Variants in UVSSA observed in about 807,000 individuals in gnomAD.
UVSSA encodes the protein UV-stimulated scaffold protein A.
A neutral mutation model predicts 73.9 loss-of-function variants in UVSSA; 72 were observed. That is an observed-to-expected ratio of 0.97 (90% confidence interval 0.81 to 1.19). The LOEUF (loss-of-function observed/expected upper bound fraction) is 1.19, where lower values mean the gene tolerates loss of function less well. UVSSA is among the 50% of genes most tolerant of loss of function. The pLI is 0.00. For synonymous variants in UVSSA, 454 were observed against 391.3 expected, an observed-to-expected ratio of 1.16 and a Z score of -1.89; for missense variants, 1,150 against 965.0, an observed-to-expected ratio of 1.19 and a Z score of -2.54.
At chr4:1,347,800 C>G (rs1382871899) in intron 1 of UVSSA, 40 bp downstream of exon 1, 2 of 336,776 alleles carry the variant, frequency 5.9e-6, no homozygotes, top group African/African-American at 4.3e-5. Context: ...TGGGGAAAAG[C>G]TGATTCGGAC....
chr4:1,353,229 G>A lies in UVSSA; in HGVS notation c.750G>A (p.Gln250=). 1 of 1,612,092 alleles carries A rather than the reference G, an allele frequency of 6.2e-7. No homozygotes were observed. The highest frequency in any genetic ancestry group is 8.5e-7 in the Non-Finnish European group (1 of 1,179,838). Residue 250 remains glutamine, a synonymous_variant, in exon 5 of 14, where the codon CAG becomes CAA. Coordinates refer to ENST00000389851, the MANE Select transcript of UVSSA (RefSeq NM_020894.4). ...CCCCTGACCCCCGGGACGGGGAGCAGCCCTGCTGCAGTAGAGACCTGCCTG... is the reference window on the plus strand; with the variant it reads ...CCCCTGACCCCCGGGACGGGGAGCAACCCTGCTGCAGTAGAGACCTGCCTG... ...SGTPDPRDGE[Q]PCCSRDLPAS...
chr4:1,376,174 T>A lies in UVSSA; in HGVS notation c.1568+6T>A. On this transcript the variant is annotated splice_donor_region_variant and intron_variant, in intron 10 of 13. Coordinates refer to ENST00000389851, the MANE Select transcript of UVSSA (RefSeq NM_020894.4). ...ACAGCCGGGAAGATTGTCAAGTGAG[T>A]CCCCATGTGTCTGAAGTCGGCCAGG... 6.2e-7 allele frequency: 1 copy of A among 1,605,234 alleles called. No homozygotes were observed. Among genetic ancestry groups the A allele is most frequent in the Non-Finnish European group, 8.5e-7 (1 of 1,175,318 alleles).
rs773360574 is a variant in UVSSA at position 1,395,354 on chromosome 4, C to G, written c.*9393C>G. ...CGTGCCGATGTGGGGTGCCCGCCTG[C>G]TCACATGTGCCGATGTGGAGTGCCC... On this transcript the variant is annotated 3_prime_UTR_variant, in exon 14 of 14. Transcript: ENST00000511216. 3.1e-5 allele frequency: 47 copies of G among 1,540,888 alleles called. 2 individuals carry two copies. In the Middle Eastern group the frequency reaches 7.3e-4, roughly 24 times the overall value.
At chr4:1,375,910 A>G in intron 9 of UVSSA, 124 bp from the exon 10 acceptor site, 2 of 1,426,944 alleles carry the variant, frequency 1.4e-6, no homozygotes, top group Non-Finnish European at 1.9e-6. Flanking sequence ...GTCGTGTGGC[A>G]GAAGCCATTG....
In UVSSA at chr4:1,351,854, G is replaced by T. The variant is rs777011965; in HGVS notation, c.550+19G>T. 1.9e-6 allele frequency: 3 copies of T among 1,611,616 alleles called. No individual in the cohort carries two copies. The East Asian group carries it at 6.7e-5, about 36-fold the overall frequency. ...ATGCAAGGCAAGTGTCCAGGACGGA[G>T]GGAGGGGCCCACGCCTCTGAGGGTT... On this transcript the variant is annotated intron_variant, in intron 4 of 13. Transcript: ENST00000389851.
chr4:1,372,699 G>A (rs912800382), intron 8 of UVSSA, among the ~76,000 whole-genome samples: 5 of 96,876 alleles, frequency 5.2e-5, no homozygotes, highest in African/African-American at 2.6e-4. Context: ...CTCACGTCCC[G>A]CATCTCAGAG....
chr4:1,395,666 C>G, exon 14 of UVSSA: 1 of 1,600,224 alleles, frequency 6.2e-7, no homozygotes, highest in Non-Finnish European at 8.5e-7. Flanking sequence ...TGCCTGCCTG[C>G]TCACACACGT....
At position 1,395,953 on chromosome 4, in the gene UVSSA, A is replaced by G. The variant is rs1384896893; in HGVS notation, c.*9992A>G. The G allele has an allele frequency of 3.3e-6, 5 of 1,518,158 alleles. No homozygotes were observed. The Admixed American group carries it at 8.3e-5, about 25-fold the overall frequency. The allele number at this position is 1,518,158 out of a possible 1,614,324, so 94.0% of individuals were successfully genotyped here. ...GCTTTTCGTATCAGACCTTTTAATG[A>G]ATTTTCATGGATGCTGATTAAAAGA... On this transcript the variant is annotated 3_prime_UTR_variant, in exon 14 of 14. Coordinates refer to the UVSSA transcript ENST00000511216.
chr4:1,385,142 C>T (rs1719938676), intron 13 of UVSSA: 1 of 152,360 alleles, frequency 6.6e-6, no homozygotes, highest in African/African-American at 2.4e-5. Context: ...GACACTGAAG[C>T]CCATGGCAGG....
rs147159625 is a variant in UVSSA, at chr4:1,376,261, T to A, written c.1568+93T>A. On this transcript the variant is annotated intron_variant, in intron 10 of 13. Transcript: ENST00000389851. ...CCGGCTCACCAGGCCTCCCTGGGTC[T>A]GAGGAAGCTGGCCCTGCCTCCCAGC... 2.4e-4 allele frequency: 346 copies of A among 1,443,894 alleles called. 1 individual carries two copies. In the African/African-American group the frequency reaches 4.5e-3, roughly 19 times the overall value. 89.4% of individuals were successfully genotyped at this position (1,443,894 alleles called of 1,614,324 possible).
intron 2 of UVSSA, among the ~76,000 whole-genome samples, chr4:1,349,206 A>G (rs1714269943): frequency 6.6e-6 from 1 of 151,874 alleles, no homozygotes. Flanking sequence ...AGGTGGATAG[A>G]TGGGCGACGT....
At chr4:1,349,928 A>C in intron 3 of UVSSA, 74 bp downstream of exon 3, 2 of 1,353,712 alleles carry the variant, frequency 1.5e-6, no homozygotes, top group Non-Finnish European at 2.0e-6. Flanking sequence ...CAGGGTGAAG[A>C]TGCGCCTCCT....
intron 7 of UVSSA, among the ~76,000 whole-genome samples, chr4:1,363,232 C>T (rs900086186): frequency 6.6e-6 from 1 of 152,124 alleles, no homozygotes; most frequent in Admixed American, 6.6e-5. Context: ...ACCCACGGAC[C>T]TGGCCGCTGT....
At chr4:1,383,992 G>A (rs1332794880) in intron 13 of UVSSA, 52 bp downstream of exon 13, 5 of 1,540,982 alleles carry the variant, frequency 3.2e-6, no homozygotes, top group Non-Finnish European at 1.7e-6. Flanking sequence ...CCGTGTGAGG[G>A]TGTTCGAGGG....
intron 8 of UVSSA, among the ~76,000 whole-genome samples, chr4:1,367,374 G>A (rs1342272566): frequency 6.6e-6 from 1 of 152,216 alleles, no homozygotes; most frequent in Non-Finnish European, 1.5e-5. Flanking sequence ...GTGTGGAATG[G>A]ACAAGTTGGT....
intron 13 of UVSSA, chr4:1,385,523 C>T (rs937189498): frequency 3.2e-5 from 10 of 314,632 alleles, no homozygotes; most frequent in Admixed American, 1.3e-4. Context: ...CCTGCGAGGC[C>T]GCTCCCCGGG....
At chr4:1,381,070 T>TCACAGAGCACC in intron 12 of UVSSA, 82 bp downstream of exon 12, 1 of 1,316,706 alleles carries the variant, frequency 7.6e-7, no homozygotes, top group South Asian at 1.3e-5. Flanking sequence ...GTCTGCAGAG[T>TCACAGAGCACC]CACAGAGCAC....
chr4:1,380,576 C>CCAGCCGGG, intron 11 of UVSSA: 4 of 1,386,578 alleles, frequency 2.9e-6, no homozygotes, highest in Non-Finnish European at 3.8e-6. Flanking sequence ...AGGGCAGCTC[C>CCAGCCGGG]CAGCCGGGCA....
intron 3 of UVSSA, among the ~76,000 whole-genome samples, chr4:1,350,264 G>C (rs2109064188): frequency 6.6e-6 from 1 of 152,286 alleles, no homozygotes; most frequent in East Asian, 1.9e-4. Context: ...TATGGGCTCG[G>C]GCTGGTGCCT....
Sources: gnomAD v4.1 joint callset for allele counts (sites outside exome capture counted in the v4.1 genomes callset) on GRCh38, gnomAD v4.1.1 for gene constraint, MANE v1.5 for transcripts, NCBI Gene and HGNC (gene_info 2026-07-23, HGNC 2026-07-21) for gene names.